OGFOD2: variants seen among roughly 807,000 people sequenced by gnomAD.
OGFOD2 encodes the protein 2-oxoglutarate and iron-dependent oxygenase domain-containing protein 2.
In OGFOD2, 34 loss-of-function variants were observed where a neutral mutation model predicts 31.1. The ratio of observed to expected loss-of-function variants is 1.09; its 90% CI spans 0.83 to 1.45. The LOEUF (loss-of-function observed/expected upper bound fraction) is 1.45, where lower values mean the gene tolerates loss of function less well. OGFOD2 is among the 40% of genes most tolerant of loss of function. The pLI is 0.00. For missense variants in OGFOD2, 537 were observed against 433.9 expected (o/e 1.24, Z -2.11); for synonymous variants, 240 against 192.3 (o/e 1.25, Z -2.05).
At chr12:122,975,137 T>C, upstream of OGFOD2, 1 of 506,452 alleles carries the variant, frequency 2.0e-6, no homozygotes, top group Non-Finnish European at 3.6e-6. Context: ...TCTTCGTCCT[T>C]TTCCGCCCTT....
At chr12:122,975,748 CT>C in intron 1 of OGFOD2, 62 bp from the exon 2 acceptor site, 1 of 671,176 alleles carries the variant, frequency 1.5e-6, no homozygotes, top group South Asian at 1.5e-5. Flanking sequence ...GAAACTGAGG[CT>C]TAGAGAGTGA....
In OGFOD2 at chr12:122,976,678, C is replaced by T. The variant is rs1288070174; in HGVS notation, c.214C>T (p.Gln72Ter). The change falls in exon 3 of 7, where the codon CAG becomes TAG. Residue 72 changes from glutamine (Q) to a stop codon, truncating the protein, a stop_gained. Coordinates refer to ENST00000228922, the Ensembl canonical transcript of OGFOD2. LOFTEE classifies it high-confidence loss of function. ...GCTTGAGCAGGAGGTGGAGCGGCGG[C>T]AGCGGCTGGGGCAGGAGTCAGCAGC... The T allele has an allele frequency of 6.8e-6, 11 of 1,611,694 alleles. No homozygotes were observed. The African/African-American group carries it at 1.3e-4, about 20-fold the overall frequency.
chr12:122,978,939 G>C, exon 6 of OGFOD2: 2 of 1,613,302 alleles, frequency 1.2e-6, no homozygotes, highest in Non-Finnish European at 8.5e-7. Context: ...TGATAATGCC[G>C]AGCTCACCCT....
At position 122,978,969 on chromosome 12, in the gene OGFOD2, G is replaced by GTCT. The variant is rs747300810; in HGVS notation, c.751_753dup (p.Phe251dup). 2 of 1,613,218 alleles carry GTCT rather than the reference G, an allele frequency of 1.2e-6. 1 individual carries two copies. The highest frequency in any genetic ancestry group is 2.2e-5 in the South Asian group (2 of 91,086). On this transcript the variant is annotated inframe_insertion, in exon 6 of 7. Transcript: ENST00000228922. ...CACCCTCAATGTGGCCTTGGGCAAG[G>GTCT]TCTTCACAGGGGGCGCCCTGTATTT...
exon 7 of OGFOD2, chr12:122,979,538 AGC>A: frequency 1.4e-6 from 1 of 707,126 alleles, no homozygotes; most frequent in Non-Finnish European, 2.3e-6. Context: ...ATGGGGCTTC[AGC>A]GAGGGAGTCA....
intron 2 of OGFOD2, chr12:122,976,280 C>T (rs769366624): frequency 1.6e-6 from 2 of 1,213,748 alleles, no homozygotes; most frequent in Non-Finnish European, 2.4e-6. Context: ...TGCCCCACTC[C>T]CTCCTCCTCC....
exon 7 of OGFOD2, chr12:122,979,413 AAATAAAAT>A: frequency 7.9e-6 from 12 of 1,511,252 alleles, no homozygotes; most frequent in Admixed American, 4.1e-5. Flanking sequence ...CTGGGGGCAG[AAATAAAAT>A]CCCCGCAGCC....
rs770935203 is a variant in OGFOD2 at position 122,979,080 on chromosome 12, C to CA, written c.790-2dup. 1.9e-6 allele frequency: 3 copies of CA among 1,596,068 alleles called. No homozygotes were observed. The highest frequency in any genetic ancestry group is 2.6e-6 in the Non-Finnish European group (3 of 1,168,360). Reference sequence around the variant, plus strand: ...GCCCAGGCCTGAGTCGTGCCATCTGCAGGCACCCACAGCCCTGACGGAGCC... The same window carrying CA: ...GCCCAGGCCTGAGTCGTGCCATCTGCAAGGCACCCACAGCCCTGACGGAGCC... On this transcript the variant is annotated splice_polypyrimidine_tract_variant and splice_region_variant and intron_variant, in intron 6 of 6. Coordinates refer to ENST00000228922, the Ensembl canonical transcript of OGFOD2.
intron 4 of OGFOD2, chr12:122,978,193 C>T (rs2037488107): frequency 6.9e-6 from 3 of 432,586 alleles, no homozygotes; most frequent in East Asian, 4.1e-5. Context: ...GGCCTCAGGA[C>T]CCATATGTGA....
chr12:122,978,946 C>T, exon 6 of OGFOD2: 1 of 1,613,320 alleles, frequency 6.2e-7, no homozygotes, highest in Non-Finnish European at 8.5e-7. Context: ...GCCGAGCTCA[C>T]CCTCAATGTG....
exon 7 of OGFOD2, chr12:122,979,398 T>C: frequency 6.5e-7 from 1 of 1,545,146 alleles, no homozygotes; most frequent in Non-Finnish European, 8.7e-7. Context: ...CTCCGTTGCC[T>C]TGGTCTGGGG....
At chr12:122,975,175 T>C (rs1315411812), upstream of OGFOD2, 4 of 493,878 alleles carry the variant, frequency 8.1e-6, no homozygotes, top group Non-Finnish European at 1.5e-5. Context: ...CCTTGGCCGC[T>C]GGTTCCGCGC....
chr12:122,978,510 G>T lies in OGFOD2; in HGVS notation c.472G>T (p.Glu158Ter), dbSNP rs1444080790. ...CTGCCAGGCCCTGCTGGAAGAGCTG[G>T]AGCACTTCGAGCAATCGGACATGCC... Residue 158 changes from glutamate to a stop codon, truncating the protein, a stop_gained, in exon 5 of 7, where the codon GAG (glutamate) becomes TAG (stop). Transcript: ENST00000228922. LOFTEE classifies it high-confidence loss of function. 1 of 1,613,358 alleles carries T rather than the reference G, an allele frequency of 6.2e-7. No individual in the cohort carries two copies. The highest frequency in any genetic ancestry group is 1.3e-5 in the African/African-American group (1 of 74,918).
chr12:122,979,620 C>A, exon 7 of OGFOD2: 1 of 494,314 alleles, frequency 2.0e-6, no homozygotes, highest in Non-Finnish European at 3.7e-6. Flanking sequence ...CCTCAGCTGG[C>A]CCCACGGAGA....
At chr12:122,974,910 G>C (rs1220148798), upstream of OGFOD2, 1 of 205,366 alleles carries the variant, frequency 4.9e-6, no homozygotes, top group African/African-American at 2.3e-5. Flanking sequence ...CGGGCAGACG[G>C]CGGGGGGTGG....
exon 2 of OGFOD2, chr12:122,975,846 C>T (rs1470321350): frequency 1.4e-6 from 1 of 702,860 alleles, no homozygotes; most frequent in Non-Finnish European, 2.6e-6. Flanking sequence ...GCGCCAAGGA[C>T]TTCCAGCAGC....
At chr12:122,976,410 A>G (rs1213929707) in intron 2 of OGFOD2, 2 of 1,613,574 alleles carry the variant, frequency 1.2e-6, no homozygotes, top group African/African-American at 2.7e-5. Flanking sequence ...AGGTACATCT[A>G]GGGGTTCTCA....
chr12:122,977,290 T>C, intron 4 of OGFOD2: 3 of 387,614 alleles, frequency 7.7e-6, no homozygotes, highest in South Asian at 2.0e-5. Context: ...AAAGGGACCA[T>C]TGAGACAGGT....
Position 122,976,927 on chromosome 12 carries a change from C to T in OGFOD2, c.360C>T (p.Asp120=), listed in dbSNP as rs78928451. 4.4e-4 allele frequency: 705 copies of T among 1,613,794 alleles called. 1 individual carries two copies. The African/African-American group carries it at 8.5e-3, about 19-fold the overall frequency. The change falls in exon 4 of 7, where the codon GAC becomes GAT. Residue 120 remains aspartate (D), a synonymous_variant. Coordinates refer to ENST00000228922, the Ensembl canonical transcript of OGFOD2. ...TGACTGAGTACAGCGTGTCCCCAGACGCAGACCTCAAGGGCCTTCTCCAGC... is the reference window on the plus strand; with the variant it reads ...TGACTGAGTACAGCGTGTCCCCAGATGCAGACCTCAAGGGCCTTCTCCAGC...
Sources: gnomAD v4.1 joint callset for allele counts on GRCh38, gnomAD v4.1.1 for gene constraint, MANE v1.5 for transcripts, NCBI Gene and HGNC (gene_info 2026-07-23, HGNC 2026-07-21) for gene names.